Variants in NUDCD3 observed in about 807,000 individuals in gnomAD.
The protein encoded by NUDCD3 is NudC domain containing 3.
A neutral mutation model predicts 39.7 loss-of-function variants in NUDCD3; 13 were observed. That is an observed-to-expected ratio of 0.33 (90% CI 0.21 to 0.52). The LOEUF (loss-of-function observed/expected upper bound fraction) is 0.52, where lower values mean the gene tolerates loss of function less well. Among genes scored for constraint, NUDCD3 ranks in the 20% least tolerant of loss-of-function variants. The pLI, the probability that NUDCD3 is intolerant of heterozygous loss-of-function variation, is 0.96. For synonymous variants in NUDCD3, 175 were observed against 172.4 expected, an observed-to-expected ratio of 1.02 and a Z score of -0.12; for missense variants, 453 against 458.1, an observed-to-expected ratio of 0.99 and a Z score of 0.10.
rs770536144 is a variant in NUDCD3 at position 44,386,031 on chromosome 7, G to A, written c.1066C>T (p.Pro356Ser). The A allele has an allele frequency of 1.5e-5, 23 of 1,552,944 alleles. 1 individual carries two copies. The South Asian group carries it at 2.3e-4, about 16-fold the overall frequency. Residue 356 changes from proline (P) to serine (S), a missense_variant, in exon 6 of 6, where the codon CCG becomes TCG. Coordinates refer to ENST00000355451, the MANE Select transcript of NUDCD3 (RefSeq NM_015332.4). ...RFDPAMFNIS[P>S]GAVQF ...GGTCATTAAAACTGCACAGCCCCCGGGGAGATGTTGAACATGGCAGGGTCG... is the reference window on the plus strand; with the variant it reads ...GGTCATTAAAACTGCACAGCCCCCGAGGAGATGTTGAACATGGCAGGGTCG...
chr7:44,421,603 G>T (rs1346005729), intron 3 of NUDCD3, among the ~76,000 whole-genome samples: 2 of 151,664 alleles, frequency 1.3e-5, no homozygotes, highest in Non-Finnish European at 2.9e-5. Flanking sequence ...AGGGATCAAT[G>T]AAACTAGAAG....
intron 3 of NUDCD3, among the ~76,000 whole-genome samples, chr7:44,418,277 G>C (rs1799065969): frequency 6.6e-6 from 1 of 152,116 alleles, no homozygotes; most frequent in Non-Finnish European, 1.5e-5. Context: ...TGCAAGCCAA[G>C]TTGCCCCCAC....
chr7:44,453,079 G>T (rs1367320756), intron 2 of NUDCD3, among the ~76,000 whole-genome samples: 1 of 152,192 alleles, frequency 6.6e-6, no homozygotes, highest in African/African-American at 2.4e-5. Context: ...TTGGCCGGGT[G>T]CGGTGGCTCA....
intron 2 of NUDCD3, among the ~76,000 whole-genome samples, chr7:44,459,983 A>C (rs1799976253): frequency 6.6e-6 from 1 of 152,244 alleles, no homozygotes. Context: ...AATTCATTTT[A>C]AAGAAATCAA....
intron 3 of NUDCD3, among the ~76,000 whole-genome samples, chr7:44,410,528 G>A (rs968098162): frequency 2.0e-5 from 3 of 152,126 alleles, no homozygotes; most frequent in Non-Finnish European, 4.4e-5. Context: ...TCCGGGTGTG[G>A]TGGCGGGTGC....
At chr7:44,422,586 G>GGAA (rs1799161967) in intron 3 of NUDCD3, among the ~76,000 whole-genome samples, 1 of 152,116 alleles carries the variant, frequency 6.6e-6, no homozygotes, top group Non-Finnish European at 1.5e-5. Flanking sequence ...GACTAAACCA[G>GGAA]GAAGAAGTCA....
At chr7:44,443,839 C>G (rs1243073626) in intron 2 of NUDCD3, among the ~76,000 whole-genome samples, 3 of 152,174 alleles carry the variant, frequency 2.0e-5, no homozygotes, top group African/African-American at 7.2e-5. Flanking sequence ...GCTCAAGCCC[C>G]ATCTTCAGTT....
chr7:44,395,038 G>A (rs1317764997), intron 4 of NUDCD3, among the ~76,000 whole-genome samples: 1 of 152,180 alleles, frequency 6.6e-6, no homozygotes, highest in East Asian at 1.9e-4. Flanking sequence ...CAAAAATTAA[G>A]ATGAGCACTG....
intron 2 of NUDCD3, among the ~76,000 whole-genome samples, chr7:44,468,472 T>A (rs1472382663): frequency 6.6e-6 from 1 of 151,748 alleles, no homozygotes; most frequent in East Asian, 1.9e-4. Context: ...GTCTCTAGAC[T>A]CCAAGATTCA....
chr7:44,411,428 C>A (rs141411191), intron 3 of NUDCD3, among the ~76,000 whole-genome samples: 75 of 152,268 alleles, frequency 4.9e-4, no homozygotes, highest in African/African-American at 1.7e-3. Flanking sequence ...TACAACTCCA[C>A]AATAAAAAGG....
At chr7:44,398,972 T>C (rs1235316245) in intron 4 of NUDCD3, among the ~76,000 whole-genome samples, 2 of 152,204 alleles carry the variant, frequency 1.3e-5, no homozygotes, top group Admixed American at 6.5e-5. Flanking sequence ...CTGTCAAATA[T>C]TTTTTTAAGC....
chr7:44,485,170 C>T lies in NUDCD3; in HGVS notation c.307G>A (p.Ala103Thr), dbSNP rs768521852. The change falls in exon 2 of 6, where the codon GCA becomes ACA. Residue 103 changes from alanine (A) to threonine (T), a missense_variant. By Grantham distance (58) the Ala-to-Thr change is moderately conservative. Coordinates refer to ENST00000355451, the MANE Select transcript of NUDCD3 (RefSeq NM_015332.4). The stretch of plus-strand genomic sequence containing the variant: ...ACTGGGACTGGCTCCTTCTCAGCTG[C>T]AGCAGCTGACACAGTCTTGGCCTCT... ...EEEAKTVSAA[A>T]AEKEPVPVPV... 9.3e-6 allele frequency: 15 copies of T among 1,614,182 alleles called. No individual in the cohort carries two copies. The highest frequency in any genetic ancestry group is 1.3e-5 in the Non-Finnish European group (15 of 1,180,010).
In NUDCD3 at chr7:44,453,120, A is replaced by AGG. The variant is rs202131871; in HGVS notation, c.510-25419_510-25418dup. 3.2e-3 allele frequency among the ~76,000 whole-genome samples: 485 copies of AGG among 152,216 alleles called. 4 individuals carry two copies. Among genetic ancestry groups the AGG allele is most frequent in the African/African-American group, 0.011 (452 of 41,514 alleles). On this transcript the variant is annotated intron_variant, in intron 2 of 5. Transcript: ENST00000355451. ...GTAATCCCAGCACTTTGGGAAGCTG[A>AGG]GGGGGGCGGATCACCTGAGGTCAGG...
intron 2 of NUDCD3, among the ~76,000 whole-genome samples, chr7:44,456,545 G>A (rs910682066): frequency 6.6e-6 from 1 of 152,092 alleles, no homozygotes; most frequent in Non-Finnish European, 1.5e-5. Context: ...AAGATGGGAG[G>A]ACGGCTTGAA....
At chr7:44,464,357 G>A (rs1224715373) in intron 2 of NUDCD3, among the ~76,000 whole-genome samples, 4 of 152,054 alleles carry the variant, frequency 2.6e-5, no homozygotes, top group African/African-American at 4.8e-5. Context: ...GTTAAATTAC[G>A]TTTTTTTCAT....
At chr7:44,480,666 G>A (rs1373990367) in intron 2 of NUDCD3, among the ~76,000 whole-genome samples, 1 of 151,988 alleles carries the variant, frequency 6.6e-6, no homozygotes, top group Non-Finnish European at 1.5e-5. Flanking sequence ...AAATGGCCAG[G>A]CATGGTGCCT....
chr7:44,396,011 A>G (rs975841064), intron 4 of NUDCD3, among the ~76,000 whole-genome samples: 2 of 152,076 alleles, frequency 1.3e-5, no homozygotes, highest in African/African-American at 4.8e-5. Context: ...AAGCAGCTGC[A>G]CCACTTTACC....
intron 3 of NUDCD3, among the ~76,000 whole-genome samples, chr7:44,417,621 T>C (rs913619115): frequency 6.6e-6 from 1 of 152,192 alleles, no homozygotes; most frequent in African/African-American, 2.4e-5. Context: ...CTTTTCCTAA[T>C]TTATTCAACT....
At chr7:44,462,484 A>T (rs1800033918) in intron 2 of NUDCD3, among the ~76,000 whole-genome samples, 1 of 152,246 alleles carries the variant, frequency 6.6e-6, no homozygotes, top group Admixed American at 6.5e-5. Flanking sequence ...GAAAACACTG[A>T]CCAATATTAT....
Sources: gnomAD v4.1 joint callset for allele counts (sites outside exome capture counted in the v4.1 genomes callset) on GRCh38, gnomAD v4.1.1 for gene constraint, MANE v1.5 for transcripts, NCBI Gene and HGNC (gene_info 2026-07-23, HGNC 2026-07-21) for gene names.